Variants in C2CD5 observed in about 807,000 individuals in gnomAD.
C2CD5 encodes C2 domain-containing protein 5.
C2CD5 carries 109 observed loss-of-function variants against 130.3 expected under a neutral mutation model. The ratio of observed to expected loss-of-function variants is 0.84; its 90% CI spans 0.72 to 0.98. C2CD5 has a LOEUF of 0.98. Among genes scored for constraint, C2CD5 ranks in the 50% least tolerant of loss-of-function variants. The probability of loss-of-function intolerance (pLI) is 0.00; values close to 1 mark genes in which losing one functional copy is unlikely to be tolerated. For missense variants in C2CD5, 996 were observed against 1,261.8 expected, an observed-to-expected ratio of 0.79 and a Z score of 3.19; for synonymous variants, 454 against 429.2, an observed-to-expected ratio of 1.06 and a Z score of -0.71.
At chr12:22,493,518 A>G (rs1039093777) in intron 10 of C2CD5, among the ~76,000 whole-genome samples, 181 bp from the exon 11 acceptor site, 3 of 152,118 alleles carry the variant, frequency 2.0e-5, no homozygotes, top group Non-Finnish European at 2.9e-5. Flanking sequence ...TTTAAACTCA[A>G]TTGCTGGAAA....
Position 22,486,202 on chromosome 12 carries a change from A to C in C2CD5, c.1359-1314T>G, listed in dbSNP as rs932921327. On this transcript the variant is annotated intron_variant, in intron 12 of 26. Coordinates refer to ENST00000446597, the MANE Select transcript of C2CD5 (RefSeq NM_001286176.2). ...GCTTGAATGGAAAAAAAAAAAAAAA[A>C]AACACTGCAAAGCACACTCTGAAGC... Among the ~76,000 whole-genome samples the C allele has an allele frequency of 5.3e-5, 8 of 151,866 alleles. No individual in the cohort carries two copies. The East Asian group carries it at 7.7e-4, about 15-fold the overall frequency.
chr12:22,497,032 A>G (rs1349545561), intron 10 of C2CD5, among the ~76,000 whole-genome samples: 1 of 152,110 alleles, frequency 6.6e-6, no homozygotes, highest in African/African-American at 2.4e-5. Context: ...AACAATGTGA[A>G]CAACTCAACA....
chr12:22,543,899 ACT>A (rs1952667294), intron 2 of C2CD5, among the ~76,000 whole-genome samples, 160 bp downstream of exon 2: 1 of 151,672 alleles, frequency 6.6e-6, no homozygotes, highest in Non-Finnish European at 1.5e-5. Flanking sequence ...CATCGCACAC[ACT>A]GAGGTCTCGG....
At chr12:22,490,305 G>T in intron 11 of C2CD5, 87 bp from the exon 12 acceptor site, 1 of 861,604 alleles carries the variant, frequency 1.2e-6, no homozygotes, top group South Asian at 1.7e-5. Context: ...TTATAACAGT[G>T]ACAATTTAAG....
At chr12:22,493,367 A>T in intron 10 of C2CD5, 30 bp from the exon 11 acceptor site, 1 of 1,103,776 alleles carries the variant, frequency 9.1e-7, no homozygotes, top group Non-Finnish European at 1.4e-6. Flanking sequence ...TCAGTTTATT[A>T]CTCAATAGCA....
chr12:22,541,070 C>T (rs1952330771), intron 2 of C2CD5, among the ~76,000 whole-genome samples: 1 of 151,966 alleles, frequency 6.6e-6, no homozygotes, highest in Non-Finnish European at 1.5e-5. Flanking sequence ...ACTCAGACCT[C>T]TTTTTTTTGA....
At position 22,490,220 on chromosome 12, in the gene C2CD5, T is replaced by C; in HGVS notation, c.1263-2A>G. On this transcript the variant is annotated splice_acceptor_variant, in intron 11 of 26. Coordinates refer to ENST00000446597, the MANE Select transcript of C2CD5 (RefSeq NM_001286176.2). LOFTEE classifies it high-confidence loss of function. ...GCAGATAAAATGCAGACCTCTTCAC[T>C]ATAAAGGAAAAAACACAAACAAGTT... 1.9e-6 allele frequency: 3 copies of C among 1,604,558 alleles called. No homozygotes were observed. Among genetic ancestry groups the C allele is most frequent in the Non-Finnish European group, 2.6e-6 (3 of 1,172,126 alleles).
Position 22,471,430 on chromosome 12 carries a change from G to T in C2CD5, c.2327C>A (p.Thr776Lys), listed in dbSNP as rs143732762. 1.2e-4 allele frequency: 187 copies of T among 1,593,686 alleles called. No homozygotes were observed. The highest frequency in any genetic ancestry group is 1.6e-4 in the Non-Finnish European group (181 of 1,162,582). The change falls in exon 20 of 27, where the codon ACA becomes AAA. Residue 776 changes from threonine (T) to lysine (K), a missense_variant. Thr to Lys is a moderately conservative substitution (Grantham distance 78). Transcript: ENST00000446597. ...TAATTCATCTTCAGGCAGAGATACT[G>T]TAAAATTTACATGGCAAAGGCAGCA... Reference protein sequence around the residue: ...IPCCLCHVNFTVSLPEDELIQ... With the variant: ...IPCCLCHVNFKVSLPEDELIQ...
chr12:22,533,369 C>T (rs1042678439), intron 3 of C2CD5, among the ~76,000 whole-genome samples: 6 of 152,148 alleles, frequency 3.9e-5, no homozygotes, highest in Middle Eastern at 3.2e-3. Flanking sequence ...ACTTCACCAG[C>T]GTCTGGGCTA....
In C2CD5 at chr12:22,472,380, T is replaced by C. The variant is rs375777831; in HGVS notation, c.2108-33A>G. The stretch of plus-strand genomic sequence containing the variant: ...AATAAATTGTAATCAAAATATATGA[T>C]AATATTTCATTGATTTTTGTGTTAA... On this transcript the variant is annotated intron_variant, in intron 17 of 26. Coordinates refer to ENST00000446597, the MANE Select transcript of C2CD5 (RefSeq NM_001286176.2). 1.2e-4 allele frequency: 122 copies of C among 1,040,776 alleles called. 1 individual carries two copies. The African/African-American group carries it at 1.7e-3, about 15-fold the overall frequency. The allele number at this position is 1,040,776 out of a possible 1,614,324, so 64.5% of individuals were successfully genotyped here.
At chr12:22,450,023 A>G in intron 26 of C2CD5, 132 bp from the exon 27 acceptor site, 1 of 648,762 alleles carries the variant, frequency 1.5e-6, no homozygotes, top group Non-Finnish European at 2.5e-6. Context: ...AGGCAATCCA[A>G]CAGAAAAATG....
At chr12:22,457,840 G>C (rs1370078107) in intron 24 of C2CD5, among the ~76,000 whole-genome samples, 1 of 152,116 alleles carries the variant, frequency 6.6e-6, no homozygotes, top group Non-Finnish European at 1.5e-5. Flanking sequence ...GAAGGTTAGA[G>C]AAGTTAAGTA....
chr12:22,456,485 G>C (rs766804302), intron 25 of C2CD5, among the ~76,000 whole-genome samples: 1 of 152,192 alleles, frequency 6.6e-6, no homozygotes, highest in Non-Finnish European at 1.5e-5. Flanking sequence ...TACTCAGTGT[G>C]AGGTAAGACT....
At chr12:22,504,588 G>A (rs985333108) in intron 10 of C2CD5, among the ~76,000 whole-genome samples, 2 of 152,152 alleles carry the variant, frequency 1.3e-5, no homozygotes, top group East Asian at 1.9e-4. Flanking sequence ...GATTACAGGC[G>A]TGAGCCTCCG....
chr12:22,456,941 T>C (rs772826458), intron 25 of C2CD5, 30 bp downstream of exon 25: 1 of 1,428,176 alleles, frequency 7.0e-7, no homozygotes, highest in Non-Finnish European at 9.4e-7. Context: ...GAAAATTTTT[T>C]AAAAAATGAA....
chr12:22,460,504 G>C (rs973825633), intron 22 of C2CD5: 4 of 152,002 alleles, frequency 2.6e-5, no homozygotes, highest in African/African-American at 9.7e-5. Flanking sequence ...AACATTATTT[G>C]TACAGAATGT....
At chr12:22,466,364 T>C (rs564166592) in intron 22 of C2CD5, among the ~76,000 whole-genome samples, 1 of 152,174 alleles carries the variant, frequency 6.6e-6, no homozygotes, top group East Asian at 1.9e-4. Flanking sequence ...ACTATACTTT[T>C]ATTTATCAGT....
chr12:22,522,764 AATAAGT>A (rs1485852454), intron 7 of C2CD5, among the ~76,000 whole-genome samples: 1 of 152,216 alleles, frequency 6.6e-6, no homozygotes, highest in Non-Finnish European at 1.5e-5. Context: ...TGTGGCCATT[AATAAGT>A]ATAATTGGAT....
At chr12:22,471,269 C>A (rs949203895) in intron 20 of C2CD5, 130 bp downstream of exon 20, 1 of 619,826 alleles carries the variant, frequency 1.6e-6, no homozygotes, top group Admixed American at 3.0e-5. Context: ...TGCATACTAA[C>A]ATATATTTTT....
Sources: gnomAD v4.1 joint callset for allele counts (sites outside exome capture counted in the v4.1 genomes callset) on GRCh38, gnomAD v4.1.1 for gene constraint, MANE v1.5 for transcripts, NCBI Gene and HGNC (gene_info 2026-07-23, HGNC 2026-07-21) for gene names.